Variants in MCF2L observed in about 807,000 individuals in gnomAD.
MCF2L encodes guanine nucleotide exchange factor DBS.
In MCF2L, 97 loss-of-function variants were observed where a neutral mutation model predicts 153.4. The observed-to-expected ratio is 0.63, with a 90% confidence interval of 0.54 to 0.75. MCF2L has a LOEUF of 0.75. Among genes scored for constraint, MCF2L ranks in the 30% least tolerant of loss-of-function variants. The pLI, the probability that MCF2L is intolerant of heterozygous loss-of-function variation, is 0.00. For missense variants in MCF2L, 1,347 were observed against 1,495.2 expected, an observed-to-expected ratio of 0.90 and a Z score of 1.64; for synonymous variants, 659 against 632.2, an observed-to-expected ratio of 1.04 and a Z score of -0.64.
intron 3 of MCF2L, among the ~76,000 whole-genome samples, chr13:113,036,127 C>T (rs574106022): frequency 6.6e-6 from 1 of 152,316 alleles, no homozygotes; most frequent in East Asian, 1.9e-4. Flanking sequence ...AGGACCCATT[C>T]TCCATGCCCA....
intron 1 of MCF2L, chr13:113,001,140 C>T (rs2083353826): frequency 6.6e-6 from 1 of 152,070 alleles, no homozygotes; most frequent in Admixed American, 6.5e-5. Context: ...CCTGGACTGC[C>T]AGTTTTCAAG....
intron 14 of MCF2L, 75 bp downstream of exon 14, chr13:113,078,511 G>GC (rs948602545): frequency 5.7e-5 from 82 of 1,444,214 alleles, no homozygotes; most frequent in African/African-American, 1.7e-4. Context: ...TCTCCGTGTG[G>GC]CCCCCCCTCC....
intron 26 of MCF2L, 29 bp downstream of exon 26, chr13:113,089,757 A>G (rs1395480530): frequency 6.3e-7 from 1 of 1,595,354 alleles, no homozygotes; most frequent in African/African-American, 1.3e-5. Context: ...CGGGCCTCAC[A>G]CGGAGGCCTC....
rs964081745 is a variant in MCF2L at position 112,907,304 on chromosome 13, T to C, written c.169+4933T>C. ...ATTAGCTGGAGCTGAAAATGTACTT[T>C]GGGGAAGGGGAAAATGACCACAAGA... On this transcript the variant is annotated intron_variant, in intron 2 of 29. Coordinates refer to the MCF2L transcript ENST00000375608. The surrounding 1 kb of genome is among the most constrained non-coding windows in gnomAD (Gnocchi z 5.1). Among the ~76,000 whole-genome samples, 1 of 152,098 alleles carries C rather than the reference T, an allele frequency of 6.6e-6. No individual in the cohort carries two copies. The highest frequency in any genetic ancestry group is 2.4e-5 in the African/African-American group (1 of 41,418).
intron 3 of MCF2L, among the ~76,000 whole-genome samples, chr13:113,032,887 C>T (rs1378664351): frequency 2.0e-5 from 3 of 152,238 alleles, no homozygotes; most frequent in East Asian, 3.8e-4. Flanking sequence ...CTTTTAAAGG[C>T]TTCCTGGCCC....
intron 1 of MCF2L, among the ~76,000 whole-genome samples, chr13:112,986,637 C>A (rs967892927): frequency 7.2e-5 from 11 of 152,238 alleles, no homozygotes; most frequent in Non-Finnish European, 1.3e-4. Context: ...GCCACGCAAA[C>A]CTCTCTGTGA....
At chr13:112,902,700 G>A (rs2081131609) in intron 2 of MCF2L, among the ~76,000 whole-genome samples, 1 of 152,362 alleles carries the variant, frequency 6.6e-6, no homozygotes, top group South Asian at 2.1e-4. Context: ...ATAAAGCACA[G>A]TATACCTGAA....
chr13:113,082,351 C>A, intron 16 of MCF2L, 76 bp from the exon 17 acceptor site: 2 of 835,100 alleles, frequency 2.4e-6, no homozygotes, highest in Non-Finnish European at 4.2e-6. Flanking sequence ...CACAGATGAG[C>A]CGGCATCCCT....
At chr13:112,910,987 T>C (rs1435190910) in intron 2 of MCF2L, among the ~76,000 whole-genome samples, 1 of 141,408 alleles carries the variant, frequency 7.1e-6, no homozygotes, top group Admixed American at 7.0e-5. Context: ...GGCCCAGCAC[T>C]TTCCCAGAAT....
Position 112,918,188 on chromosome 13 carries a change from G to A in MCF2L, c.169+15817G>A, listed in dbSNP as rs145475084. On this transcript the variant is annotated intron_variant, in intron 2 of 29. Transcript: ENST00000375608. ...GCACTGTGTCCGGGAAGGCATCTGC[G>A]CGGGAGGAACTGAAGCTCCTGAGCG... Among the ~76,000 whole-genome samples, 1,136 of 152,332 alleles carry A rather than the reference G, an allele frequency of 7.5e-3. 5 individuals carry two copies. The highest frequency in any genetic ancestry group is 0.012 in the Non-Finnish European group (814 of 68,022).
intron 4 of MCF2L, among the ~76,000 whole-genome samples, 177 bp from the exon 5 acceptor site, chr13:113,060,416 T>A (rs2031188081): frequency 6.6e-6 from 1 of 152,214 alleles, no homozygotes; most frequent in Admixed American, 6.5e-5. Context: ...AGAAAAGAGA[T>A]GCCTTTCACA....
At position 113,028,732 on chromosome 13, in the gene MCF2L, T is replaced by C. The variant is rs2085460368; in HGVS notation, c.278+3974T>C. On this transcript the variant is annotated intron_variant, in intron 3 of 29. Transcript: ENST00000535094. The surrounding 1 kb of genome is among the most constrained non-coding windows in gnomAD (Gnocchi z 5.4). ...TGGAAATGCCAGCTTCATTCAGCCA[T>C]GAGCAGTGCTGCTGACCGTGGAGCT... Among the ~76,000 whole-genome samples, 1 of 152,206 alleles carries C rather than the reference T, an allele frequency of 6.6e-6. No homozygotes were observed. The highest frequency in any genetic ancestry group is 6.5e-5 in the Admixed American group (1 of 15,280).
intron 2 of MCF2L, among the ~76,000 whole-genome samples, chr13:112,923,645 C>G (rs1023814345): frequency 6.6e-6 from 1 of 152,068 alleles, no homozygotes; most frequent in African/African-American, 2.4e-5. Context: ...TTTGCCATTA[C>G]TTTGAATGGC....
Position 113,013,401 on chromosome 13 carries a change from C to G in MCF2L, c.80-1362C>G, listed in dbSNP as rs557637503. On this transcript the variant is annotated intron_variant, in intron 1 of 29. Transcript: ENST00000535094. ...GACACCGTGGCCCTGCTGCTTCCCC[C>G]CCAACACCAGGGTTGTGTCTGGCTC... Among the ~76,000 whole-genome samples, 21 of 152,218 alleles carry G rather than the reference C, an allele frequency of 1.4e-4. No individual in the cohort carries two copies. In the South Asian group the frequency reaches 3.1e-3, roughly 23 times the overall value.
At chr13:112,979,382 T>C in intron 1 of MCF2L, 1 of 1,348,834 alleles carries the variant, frequency 7.4e-7, no homozygotes. Context: ...TGCCTGCTCT[T>C]CCAGGCGTGC....
intron 2 of MCF2L, among the ~76,000 whole-genome samples, chr13:112,919,205 A>AT (rs11431408): frequency 0.39 from 48,531 of 124,910 alleles, 10,554 homozygotes; most frequent in Admixed American, 0.5. Context: ...AAGAATTTGC[A>AT]TTTTTTTTTT....
chr13:113,086,884 G>A (rs1029496127), intron 21 of MCF2L, among the ~76,000 whole-genome samples: 1 of 152,184 alleles, frequency 6.6e-6, no homozygotes, highest in Non-Finnish European at 1.5e-5. Flanking sequence ...TGGTGAACTA[G>A]CGCTGATGCT....
chr13:112,944,107 G>A (rs977030390), intron 2 of MCF2L, among the ~76,000 whole-genome samples: 4 of 150,812 alleles, frequency 2.7e-5, no homozygotes, highest in African/African-American at 4.9e-5. Flanking sequence ...CATGAGGGAA[G>A]GGTCCCGGGC....
intron 5 of MCF2L, among the ~76,000 whole-genome samples, chr13:113,063,446 C>T (rs981004947): frequency 4.9e-5 from 6 of 122,582 alleles, no homozygotes; most frequent in Admixed American, 1.7e-4. Flanking sequence ...AGCGTTCAGG[C>T]GTCCCTGTCC....
Sources: gnomAD v4.1 joint callset for allele counts (sites outside exome capture counted in the v4.1 genomes callset) on GRCh38, gnomAD v4.1.1 for gene constraint, Gnocchi (gnomAD v3.1) non-coding constraint, MANE v1.5 for transcripts, NCBI Gene and HGNC (gene_info 2026-07-23, HGNC 2026-07-21) for gene names.